The following MZF1 variants were observed in gnomAD, a reference collection of about 807,000 sequenced individuals.
MZF1 encodes zinc finger and SCAN domain-containing protein 6.
In MZF1, 24 loss-of-function variants were observed where a neutral mutation model predicts 28.6. The ratio of observed to expected loss-of-function variants is 0.84; its 90% CI spans 0.61 to 1.18. The LOEUF is 1.18. MZF1 is among the 50% of genes most tolerant of loss of function. The pLI is 0.00. For synonymous variants in MZF1, 516 were observed against 432.5 expected (o/e 1.19, Z -2.40); for missense variants, 1,166 against 1,026.4 (o/e 1.14, Z -1.86).
intron 5 of MZF1, 152 bp from the exon 6 acceptor site, chr19:58,563,656 G>T: frequency 1.6e-6 from 1 of 613,136 alleles, no homozygotes; most frequent in South Asian, 2.2e-5. Context: ...GATTCTATCT[G>T]TACAGACTTC....
chr19:58,563,120 C>T lies in MZF1; in HGVS notation c.1157G>A (p.Cys386Tyr), dbSNP rs779412978. The change falls in exon 6 of 6, where the codon TGC becomes TAC. Residue 386 changes from cysteine to tyrosine, a missense_variant. Coordinates refer to ENST00000215057, the MANE Select transcript of MZF1 (RefSeq NM_198055.2). ...KIHTGERPFV[C>Y]SECGRSFSRS... ...GCTGAAGCTGCGGCCGCACTCGCTG[C>T]ACACGAATGGTCGCTCACCCGTGTG... is the stretch of plus-strand genomic sequence containing the variant. 1.2e-6 allele frequency: 2 copies of T among 1,607,400 alleles called. No homozygotes were observed. Among genetic ancestry groups the T allele is most frequent in the Admixed American group, 1.7e-5 (1 of 59,982 alleles).
intron 5 of MZF1, chr19:58,568,491 G>C (rs1461269194): frequency 6.6e-6 from 1 of 152,140 alleles, no homozygotes; most frequent in Non-Finnish European, 1.5e-5. Context: ...CCAGAACTGA[G>C]AGATGTGAAT....
intron 1 of MZF1, chr19:58,572,409 T>C: frequency 2.0e-6 from 1 of 505,406 alleles, no homozygotes; most frequent in Non-Finnish European, 3.3e-6. Flanking sequence ...TGGGGGAGCT[T>C]CGCAATGGGT....
chr19:58,571,222 T>C lies in MZF1; in HGVS notation c.168A>G (p.Thr56=). The change falls in exon 2 of 6, where the codon ACA becomes ACG. Residue 56 remains threonine (T), a synonymous_variant. Coordinates refer to ENST00000215057, the MANE Select transcript of MZF1 (RefSeq NM_198055.2). ...GCTGGGCCAGGGCCTCTTGGGGCCC[T>C]GTGGCCTCCTCATAGCGGAAGCACC... ...RFRCFRYEEA[T]GPQEALAQLR... The C allele has an allele frequency of 1.9e-6, 3 of 1,612,574 alleles. No individual in the cohort carries two copies. The highest frequency in any genetic ancestry group is 2.5e-6 in the Non-Finnish European group (3 of 1,179,296).
intron 5 of MZF1, among the ~76,000 whole-genome samples, chr19:58,564,898 GTGTGTTTTTTTTTTTTTTTT>G (rs2054010744): frequency 1.3e-4 from 12 of 91,950 alleles, no homozygotes; most frequent in Admixed American, 7.5e-4. Context: ...GCATCCATGT[GTGTGTTTTTTTTTTTTTTTT>G]TTTTTTTTTT....
At position 58,562,870 on chromosome 19, in the gene MZF1, G is replaced by C. The variant is rs1406702008; in HGVS notation, c.1407C>G (p.Gly469=). The C allele has an allele frequency of 6.4e-7, 1 of 1,551,202 alleles. No homozygotes were observed. The highest frequency in any genetic ancestry group is 8.7e-7 in the Non-Finnish European group (1 of 1,154,934). ...CACCAGGAGGGGCCGGGGGCTTAGC[G>C]CCAGGGCCCGGGGGATCGCCGTGGA... ...QRIHGDPPGP[G]AKPPAPPGAP... is the part of the protein sequence containing the mutation. Residue 469 remains glycine (G), a synonymous_variant, in exon 6 of 6, where the codon GGC becomes GGG. Coordinates refer to ENST00000215057, the MANE Select transcript of MZF1 (RefSeq NM_198055.2).
chr19:58,571,241 A>G lies in MZF1; in HGVS notation c.149T>C (p.Phe50Ser), dbSNP rs1171137578. The G allele has an allele frequency of 6.2e-7, 1 of 1,612,604 alleles. No homozygotes were observed. The highest frequency in any genetic ancestry group is 8.5e-7 in the Non-Finnish European group (1 of 1,179,270). ...GGGCCCTGTGGCCTCCTCATAGCGG[A>G]AGCACCGGAAACGCAGGCGTGCAGC... ...PEAARLRFRC[F>S]RYEEATGPQE... is the part of the protein sequence containing the mutation. The change falls in exon 2 of 6, where the codon TTC becomes TCC. Residue 50 changes from phenylalanine (F) to serine (S), a missense_variant. Transcript: ENST00000215057.
chr19:58,569,024 G>A (rs1307380869), intron 5 of MZF1: 1 of 419,566 alleles, frequency 2.4e-6, no homozygotes, highest in South Asian at 3.5e-5. Context: ...CGCCCTGCTT[G>A]CAAAAGGTTT....
chr19:58,562,074 A>T lies in MZF1; in HGVS notation c.2203T>A (p.Ter735LysextTer42). The T allele has an allele frequency of 6.4e-7, 1 of 1,556,828 alleles. No individual in the cohort carries two copies. Among genetic ancestry groups the T allele is most frequent in the Non-Finnish European group, 8.7e-7 (1 of 1,152,246 alleles). The change falls in exon 6 of 6, where the codon TAG (stop) becomes AAG (lysine). Residue 735 changes from the stop codon to lysine (K), a stop_lost. Transcript: ENST00000215057. ...GACACAGTGCGTCCCGGCTGGAGCT[A>T]CTCGGCGCTGTGGACGCGCTGGTGC... Reference protein sequence around the residue: ...IQHQRVHSAE* With the variant: ...IQHQRVHSAEK
In MZF1 at chr19:58,569,516, C is replaced by T. The variant is rs1490346005; in HGVS notation, c.651G>A (p.Gln217=). 3 of 1,611,838 alleles carry T rather than the reference C, an allele frequency of 1.9e-6. No homozygotes were observed. Among genetic ancestry groups the T allele is most frequent in the Non-Finnish European group, 2.5e-6 (3 of 1,178,648 alleles). ...GAACATGGACCTGGGCAGGACTTACCTGGGCCTCCTCAGGCAGGAGGGTGG... is the reference window on the plus strand; with the variant it reads ...GAACATGGACCTGGGCAGGACTTACTTGGGCCTCCTCAGGCAGGAGGGTGG... ...SVPTLLPEEA[Q]RCGTVLDQIF... The change falls in exon 4 of 6, where the codon CAG becomes CAA. Residue 217 remains glutamine (Q), a splice_region_variant and synonymous_variant. Transcript: ENST00000215057.
At chr19:58,569,243 A>G (rs534455883) in intron 5 of MZF1, 34 bp downstream of exon 5, 1 of 1,546,614 alleles carries the variant, frequency 6.5e-7, no homozygotes, top group African/African-American at 1.4e-5. Context: ...GTCCATGCGG[A>G]AGGCCTAGTC....
Position 58,566,395 on chromosome 19 carries a change from C to T in MZF1, c.772+2882G>A, listed in dbSNP as rs1305447664. Among the ~76,000 whole-genome samples, 3 of 151,708 alleles carry T rather than the reference C, an allele frequency of 2.0e-5. No individual in the cohort carries two copies. In the East Asian group the frequency reaches 5.8e-4, roughly 29 times the overall value. ...CCGGGAGGTGGAGGTTGCAGTGAGC[C>T]GAGATCGCGCCATTGCACTCCAGCC... is the stretch of plus-strand genomic sequence containing the variant. On this transcript the variant is annotated intron_variant, in intron 5 of 5. Coordinates refer to ENST00000215057, the MANE Select transcript of MZF1 (RefSeq NM_198055.2).
At chr19:58,568,430 G>A (rs971039353) in intron 5 of MZF1, 1 of 152,134 alleles carries the variant, frequency 6.6e-6, no homozygotes, top group Non-Finnish European at 1.5e-5. Flanking sequence ...CAGAAACAGG[G>A]AGCAGAGCAA....
At chr19:58,570,263 G>T in intron 3 of MZF1, 81 bp downstream of exon 3, 1 of 1,419,170 alleles carries the variant, frequency 7.0e-7, no homozygotes. Flanking sequence ...CTGGCCCAGT[G>T]GACTTCAGAC....
At chr19:58,569,476 C>T in intron 4 of MZF1, 40 bp downstream of exon 4, 1 of 1,613,280 alleles carries the variant, frequency 6.2e-7, no homozygotes, top group Non-Finnish European at 8.5e-7. Flanking sequence ...CCAGCAACTT[C>T]CAGGGAAAGG....
At chr19:58,572,791 T>A (rs1462122193) in intron 1 of MZF1, 1 of 408,692 alleles carries the variant, frequency 2.4e-6, no homozygotes, top group African/African-American at 2.1e-5. Context: ...TTCCCAGAAG[T>A]CCAGGCGGCA....
In MZF1 at chr19:58,572,487, C is replaced by T. The variant is rs2054183837; in HGVS notation, c.-41+568G>A. On this transcript the variant is annotated intron_variant, in intron 1 of 5. Transcript: ENST00000215057. ...GCAAGGAAGTCCCGAGACTCTGATT[C>T]CGCCCATCTTCAGATCACTGTGCCT... is the stretch of plus-strand genomic sequence containing the variant. 41 of 1,202,670 alleles carry T rather than the reference C, an allele frequency of 3.4e-5. No individual in the cohort carries two copies. In the South Asian group the frequency reaches 5.1e-4, roughly 15 times the overall value. 74.5% of individuals were successfully genotyped at this position (1,202,670 alleles called of 1,614,324 possible). A position where few individuals can be genotyped will look rare whatever the true frequency, so the allele number is the denominator to read the frequency against.
chr19:58,562,603 C>T lies in MZF1; in HGVS notation c.1674G>A (p.Gln558=). ...GCTCCCCGGTGTGGATGCGCCGGTGCTGCGTCAGGTTGGAGCGCTGCCGGA... is the reference window on the plus strand; with the variant it reads ...GCTCCCCGGTGTGGATGCGCCGGTGTTGCGTCAGGTTGGAGCGCTGCCGGA... ...QSFRQRSNLT[Q]HRRIHTGERP... is the part of the protein sequence containing the mutation. Residue 558 remains glutamine, a synonymous_variant, in exon 6 of 6, where the codon CAG becomes CAA. Coordinates refer to ENST00000215057, the MANE Select transcript of MZF1 (RefSeq NM_198055.2). 3 of 1,581,418 alleles carry T rather than the reference C, an allele frequency of 1.9e-6. No individual in the cohort carries two copies. The highest frequency in any genetic ancestry group is 2.6e-6 in the Non-Finnish European group (3 of 1,167,786).
In MZF1 at chr19:58,570,440, T is replaced by A. The variant is rs1362318804; in HGVS notation, c.484A>T (p.Thr162Ser). Residue 162 changes from threonine to serine, a missense_variant, in exon 3 of 6, where the codon ACT becomes TCT. Coordinates refer to ENST00000215057, the MANE Select transcript of MZF1 (RefSeq NM_198055.2). ...FQPLPETEPP[T>S]PEPGPKTPPR... ...GGTGTCTTGGGCCCAGGCTCTGGAG[T>A]TGGAGGCTCAGTTTCAGGTAGGGGC... 1.2e-6 allele frequency: 2 copies of A among 1,613,606 alleles called. No homozygotes were observed. Among genetic ancestry groups the A allele is most frequent in the East Asian group, 4.5e-5 (2 of 44,874 alleles).
Sources: gnomAD v4.1 joint callset for allele counts (sites outside exome capture counted in the v4.1 genomes callset) on GRCh38, gnomAD v4.1.1 for gene constraint, MANE v1.5 for transcripts, NCBI Gene and HGNC (gene_info 2026-07-23, HGNC 2026-07-21) for gene names.